Variants in STS observed in about 807,000 individuals in gnomAD.
STS encodes steryl-sulfatase.
STS carries 7 observed loss-of-function variants against 26.8 expected under a neutral mutation model. The ratio of observed to expected loss-of-function variants is 0.26; its 90% confidence interval spans 0.15 to 0.49. STS has a LOEUF of 0.49. STS is among the 20% of genes least tolerant of loss of function. The pLI is 0.98. For missense variants in STS, 434 were observed against 465.6 expected (o/e 0.93, Z 0.63); for synonymous variants, 199 against 189.4 (o/e 1.05, Z -0.42).
intron 2 of STS, chrX:7,219,815 A>G: frequency 1.2e-6 from 1 of 842,845 alleles, no homozygotes; most frequent in Non-Finnish European, 1.7e-6. Flanking sequence ...CTTGTTTCTT[A>G]AATCTGTTTT....
chrX:7,153,964 A>C (rs11095393), intron 1 of STS, among the ~76,000 whole-genome samples: 24,525 of 101,276 alleles, frequency 0.24, 2,418 homozygotes, highest in Admixed American at 0.42. Flanking sequence ...CTCCTCCTAA[A>C]CTCCCTCCCC....
At chrX:7,332,870 G>A (rs751220131) in intron 9 of STS, among the ~76,000 whole-genome samples, 7 of 111,834 alleles carry the variant, frequency 6.3e-5, no homozygotes, top group African/African-American at 9.8e-5. Context: ...CCAGTCTTTT[G>A]TTCTTATTTT....
At chrX:7,328,578 G>A (rs1450571174) in intron 9 of STS, among the ~76,000 whole-genome samples, 6 of 88,075 alleles carry the variant, frequency 6.8e-5, no homozygotes, top group Non-Finnish European at 1.3e-4. Flanking sequence ...TTTTTGAGCA[G>A]AGTCTTGCTC....
chrX:7,259,241 T>A, intron 5 of STS, 108 bp from the exon 6 acceptor site: 1 of 865,911 alleles, frequency 1.2e-6, no homozygotes, highest in Non-Finnish European at 1.7e-6. Flanking sequence ...AAGGCTAGCT[T>A]CATGAAATAG....
intron 2 of STS, among the ~76,000 whole-genome samples, chrX:7,205,817 T>C (rs1490706485): frequency 9.2e-6 from 1 of 109,129 alleles, no homozygotes; most frequent in African/African-American, 3.3e-5. Context: ...GGTCTCGCTA[T>C]ATTGCCCAGT....
At chrX:7,232,651 G>A (rs1339464362) in intron 2 of STS, among the ~76,000 whole-genome samples, 1 of 112,142 alleles carries the variant, frequency 8.9e-6, no homozygotes, top group Non-Finnish European at 1.9e-5. Flanking sequence ...CCCAGGTCTG[G>A]AGACCCTGCG....
Position 7,259,542 on chromosome X carries a change from C to T in STS, c.576C>T (p.Leu192=). 1 of 1,211,887 alleles carries T rather than the reference C, an allele frequency of 8.3e-7. No homozygotes were observed. The highest frequency in any genetic ancestry group is 1.7e-5 in the African/African-American group (1 of 57,865). ...FLPLQIVGVT[L]LTLAALNCLG... The stretch of plus-strand genomic sequence containing the variant: ...CCCTGCAGATCGTCGGGGTCACCCT[C>T]CTTACCCTTGCTGCACTCAATTGTC... The change falls in exon 6 of 11, where the codon CTC becomes CTT. Residue 192 remains leucine (L), a synonymous_variant. Transcript: ENST00000674429.
chrX:7,336,305 T>A (rs1393620836), intron 10 of STS, among the ~76,000 whole-genome samples: 4 of 89,314 alleles, frequency 4.5e-5, no homozygotes, highest in African/African-American at 8.6e-5. Flanking sequence ...CTTCTTAAAC[T>A]TAGGGTGATT....
intron 1 of STS, among the ~76,000 whole-genome samples, chrX:7,157,959 G>A (rs777381762): frequency 8.9e-6 from 1 of 112,270 alleles, no homozygotes; most frequent in South Asian, 3.7e-4. Context: ...TAGATAACCA[G>A]GAACCCTATG....
chrX:7,286,932 T>C (rs1415682334), intron 7 of STS, among the ~76,000 whole-genome samples: 1 of 112,083 alleles, frequency 8.9e-6, no homozygotes, highest in Admixed American at 9.5e-5. Context: ...AAATGAATTT[T>C]TGGTAAATTG....
At chrX:7,164,559 G>A (rs1933311720) in intron 1 of STS, among the ~76,000 whole-genome samples, 1 of 110,975 alleles carries the variant, frequency 9.0e-6, no homozygotes, top group Admixed American at 9.6e-5. Context: ...GTAGCTCCCA[G>A]CCCCCACTTC....
intron 7 of STS, among the ~76,000 whole-genome samples, chrX:7,294,508 C>CAAG (rs1395893349): frequency 9.0e-6 from 1 of 111,461 alleles, no homozygotes; most frequent in Non-Finnish European, 1.9e-5. Flanking sequence ...AATTGCACCA[C>CAAG]AATAATAATA....
intron 2 of STS, among the ~76,000 whole-genome samples, chrX:7,193,247 CT>C (rs1402720253): frequency 8.9e-6 from 1 of 111,923 alleles, no homozygotes; most frequent in Non-Finnish European, 1.9e-5. Flanking sequence ...GTTCCTTTTT[CT>C]GTTTCAGAAA....
chrX:7,346,487 A>C (rs1601766717), intron 10 of STS, among the ~76,000 whole-genome samples: 1 of 105,504 alleles, frequency 9.5e-6, no homozygotes, highest in African/African-American at 3.5e-5. Flanking sequence ...AAAACTGTCC[A>C]CTTTAATTTC....
At chrX:7,241,561 C>T (rs750577309) in intron 2 of STS, among the ~76,000 whole-genome samples, 66 of 112,210 alleles carry the variant, frequency 5.9e-4, no homozygotes, top group Non-Finnish European at 9.6e-4. Flanking sequence ...ACTAATGAAA[C>T]ATGTTCTTAA....
rs781142436 is a variant in STS, at chrX:7,351,553, C to G, written c.*1292C>G. ...CCTCCTATGGAATGTAAAGTGCAAT[C>G]ATTTCTTCAGATATAAGACTTTCCC... On this transcript the variant is annotated 3_prime_UTR_variant, in exon 11 of 11. Transcript: ENST00000674429. 1.2e-3 allele frequency: 137 copies of G among 111,955 alleles called. No homozygotes were observed. The highest frequency in any genetic ancestry group is 4.2e-3 in the African/African-American group (129 of 30,836). The allele number at this position is 111,955 out of a possible 1,213,427, so 9.2% of individuals were successfully genotyped here. A position where few individuals can be genotyped will look rare whatever the true frequency, so the allele number is the denominator to read the frequency against.
chrX:7,334,206 A>T (rs1382013476), intron 10 of STS, 99 bp downstream of exon 10: 5 of 1,106,761 alleles, frequency 4.5e-6, no homozygotes, highest in Non-Finnish European at 6.2e-6. Context: ...TGCTCAATGG[A>T]GGCCAACAGG....
intron 8 of STS, 124 bp downstream of exon 8, chrX:7,305,307 C>T (rs1002038102): frequency 5.5e-6 from 5 of 912,654 alleles, no homozygotes; most frequent in Non-Finnish European, 7.8e-6. Flanking sequence ...TTCCTTGTGT[C>T]ATGGAGACAG....
intron 7 of STS, among the ~76,000 whole-genome samples, chrX:7,280,776 A>G (rs748278019): frequency 8.9e-6 from 1 of 112,622 alleles, no homozygotes; most frequent in Admixed American, 9.4e-5. Context: ...GAACAACATG[A>G]AGGAATCATA....
Sources: allele counts gnomAD v4.1 joint callset (sites outside exome capture counted in the v4.1 genomes callset), GRCh38; gene constraint gnomAD v4.1.1; transcripts MANE v1.5; gene names NCBI Gene and HGNC (gene_info 2026-07-23, HGNC 2026-07-21).